Variants in ADAM32 observed in about 807,000 individuals in gnomAD.
ADAM32 encodes disintegrin and metalloproteinase domain-containing protein 32.
In ADAM32, 89 loss-of-function variants were observed where a neutral mutation model predicts 114.9. That is an observed-to-expected ratio of 0.77 (90% confidence interval 0.65 to 0.92). The LOEUF (loss-of-function observed/expected upper bound fraction) is 0.92. ADAM32 is among the 40% of genes least tolerant of loss of function. ADAM32 has a pLI of 0.00. For synonymous variants in ADAM32, 285 were observed against 307.5 expected (o/e 0.93, Z 0.77); for missense variants, 870 against 932.8 (o/e 0.93, Z 0.88).
At chr8:39,204,814 T>A (rs1050151496) in intron 11 of ADAM32, among the ~76,000 whole-genome samples, 1 of 152,190 alleles carries the variant, frequency 6.6e-6, no homozygotes, top group Non-Finnish European at 1.5e-5. Flanking sequence ...TTGGTGTGAA[T>A]GTGCTTTCTG....
chr8:39,243,459 G>C (rs1810696169), intron 16 of ADAM32, among the ~76,000 whole-genome samples: 1 of 152,302 alleles, frequency 6.6e-6, no homozygotes, highest in East Asian at 1.9e-4. Context: ...TATCATACCA[G>C]AGATGCAAGT....
intron 20 of ADAM32, among the ~76,000 whole-genome samples, chr8:39,273,961 A>C (rs918486843): frequency 4.6e-5 from 7 of 152,232 alleles, no homozygotes; most frequent in African/African-American, 1.7e-4. Flanking sequence ...TGGGGTATGA[A>C]GGTGAGAATC....
intron 6 of ADAM32, among the ~76,000 whole-genome samples, chr8:39,153,282 CTTGTGAAAATTT>C (rs1462973446): frequency 6.6e-6 from 1 of 151,976 alleles, no homozygotes; most frequent in Non-Finnish European, 1.5e-5. Flanking sequence ...TTTTTCTTGC[CTTGTGAAAATTT>C]CTAATTTACA....
chr8:39,270,399 G>T (rs1812639166), intron 19 of ADAM32, among the ~76,000 whole-genome samples: 1 of 152,124 alleles, frequency 6.6e-6, no homozygotes, highest in Admixed American at 6.5e-5. Flanking sequence ...TCATGGGTGA[G>T]ATGGCTCCTT....
chr8:39,164,770 TA>T lies in ADAM32; in HGVS notation c.602del (p.Tyr201SerfsTer7). ...HIVVDKTLYD[Y>X]WGSDSMIVTN... ...AATTAATTCTGTTTTTCAGTATGAT[TA>T]CTGGGGCTCTGATAGCATGATAGTA... On this transcript the variant is annotated frameshift_variant, in exon 8 of 25. Coordinates refer to ENST00000379907, the MANE Select transcript of ADAM32 (RefSeq NM_145004.7). LOFTEE classifies it high-confidence loss of function. The T allele has an allele frequency of 6.3e-7, 1 of 1,594,752 alleles. No homozygotes were observed. The highest frequency in any genetic ancestry group is 8.5e-7 in the Non-Finnish European group (1 of 1,169,908).
chr8:39,266,302 G>A (rs1001610381), intron 19 of ADAM32, among the ~76,000 whole-genome samples: 83 of 152,160 alleles, frequency 5.5e-4, no homozygotes, highest in African/African-American at 1.9e-3. Flanking sequence ...GAATGCCAGC[G>A]AGTCCCAGGT....
In ADAM32 at chr8:39,261,712, A is replaced by G. The variant is rs182448081; in HGVS notation, c.2162+4369A>G. The stretch of plus-strand genomic sequence containing the variant: ...CTCTGCATTCTTGCCAGCATTTGTT[A>G]TTTTTTTTTGTCTTTTTGATAAAAG... On this transcript the variant is annotated intron_variant, in intron 19 of 24. Transcript: ENST00000379907. Among the ~76,000 whole-genome samples the G allele has an allele frequency of 1.7e-3, 254 of 150,260 alleles. 1 individual carries two copies. The highest frequency in any genetic ancestry group is 3.5e-3 in the Middle Eastern group (1 of 286).
chr8:39,207,555 C>T (rs1466175485), intron 11 of ADAM32, among the ~76,000 whole-genome samples: 1 of 152,150 alleles, frequency 6.6e-6, no homozygotes, highest in Non-Finnish European at 1.5e-5. Context: ...TTCAGCATGA[C>T]AATAACATTC....
chr8:39,161,081 C>T (rs1804481353), intron 7 of ADAM32, 116 bp downstream of exon 7: 1 of 918,102 alleles, frequency 1.1e-6, no homozygotes, highest in Admixed American at 3.7e-5. Flanking sequence ...GTCATAGAGA[C>T]AATAGTGGAA....
chr8:39,139,251 A>G (rs558889683), intron 3 of ADAM32, among the ~76,000 whole-genome samples: 23 of 152,258 alleles, frequency 1.5e-4, no homozygotes, highest in Admixed American at 5.9e-4. Context: ...GTCTTTGCCT[A>G]TGCCTATCTC....
rs201584915 is a variant in ADAM32, at chr8:39,233,963, G to A, written c.1699G>A (p.Gly567Ser). The change falls in exon 16 of 25, where the codon GGT becomes AGT. Residue 567 changes from glycine (G) to serine (S), a missense_variant. Gly to Ser is a moderately conservative substitution (Grantham distance 56). Coordinates refer to ENST00000379907, the MANE Select transcript of ADAM32 (RefSeq NM_145004.7). ...TCGAAAGCCTTTCCATCAAGAAAAT[G>A]GTGATGTGATTTATGCTTTCGTACG... Reference protein sequence around the residue: ...PTRKPFHQENGDVIYAFVRDS... With the variant: ...PTRKPFHQENSDVIYAFVRDS... 1.9e-4 allele frequency: 308 copies of A among 1,591,758 alleles called. No individual in the cohort carries two copies. The Middle Eastern group carries it at 4.5e-3, about 23-fold the overall frequency.
intron 3 of ADAM32, among the ~76,000 whole-genome samples, chr8:39,139,555 C>T (rs1803015704): frequency 6.6e-6 from 1 of 152,152 alleles, no homozygotes; most frequent in Admixed American, 6.5e-5. Context: ...GGTACCAGTA[C>T]CATGCTATTT....
intron 16 of ADAM32, among the ~76,000 whole-genome samples, chr8:39,236,692 A>G (rs1268621741): frequency 6.6e-6 from 1 of 152,238 alleles, no homozygotes; most frequent in Non-Finnish European, 1.5e-5. Context: ...CATAGTTTAC[A>G]TTATGGTTAC....
intron 1 of ADAM32, among the ~76,000 whole-genome samples, chr8:39,111,207 G>T (rs546704647): frequency 6.6e-6 from 1 of 152,206 alleles, no homozygotes; most frequent in South Asian, 2.1e-4. Flanking sequence ...GAACCTTCAT[G>T]TACCAGTTTT....
At chr8:39,267,305 T>G (rs1296701032) in intron 19 of ADAM32, among the ~76,000 whole-genome samples, 1 of 152,212 alleles carries the variant, frequency 6.6e-6, no homozygotes, top group Non-Finnish European at 1.5e-5. Context: ...TACAGTTCCT[T>G]TTCTAGAATT....
At chr8:39,191,219 T>C (rs1443327709) in intron 11 of ADAM32, among the ~76,000 whole-genome samples, 1 of 152,206 alleles carries the variant, frequency 6.6e-6, no homozygotes, top group Non-Finnish European at 1.5e-5. Context: ...AACATATACA[T>C]GCGTGAGTCT....
intron 2 of ADAM32, among the ~76,000 whole-genome samples, chr8:39,118,975 G>T (rs1035645142): frequency 1.3e-5 from 2 of 152,100 alleles, no homozygotes; most frequent in African/African-American, 4.8e-5. Context: ...TGCCTCTTTA[G>T]GGGCATTTTA....
intron 6 of ADAM32, among the ~76,000 whole-genome samples, chr8:39,159,314 A>G (rs1467643039): frequency 6.6e-6 from 1 of 152,218 alleles, no homozygotes; most frequent in Non-Finnish European, 1.5e-5. Context: ...AAGAGAAAAG[A>G]CTTCCTTGGT....
intron 12 of ADAM32, among the ~76,000 whole-genome samples, chr8:39,212,204 C>T (rs959138570): frequency 1.6e-4 from 25 of 151,940 alleles, no homozygotes; most frequent in African/African-American, 5.8e-4. Context: ...TTAGTAGAGA[C>T]GGTTTCATCA....
Sources: gnomAD v4.1 joint callset for allele counts (sites outside exome capture counted in the v4.1 genomes callset) on GRCh38, gnomAD v4.1.1 for gene constraint, MANE v1.5 for transcripts, NCBI Gene and HGNC (gene_info 2026-07-23, HGNC 2026-07-21) for gene names.